The following GSN variants were observed in gnomAD, a reference collection of about 807,000 sequenced individuals.
GSN encodes the protein actin-depolymerizing factor.
In GSN, 56 loss-of-function variants were observed where a neutral mutation model predicts 85.7. The observed-to-expected ratio is 0.65, with a 90% CI of 0.53 to 0.82. The LOEUF is 0.82. GSN is among the 40% of genes least tolerant of loss of function. GSN has a pLI of 0.00. For missense variants in GSN, 857 were observed against 979.8 expected (o/e 0.87, Z 1.67); for synonymous variants, 373 against 399.1 (o/e 0.93, Z 0.78).
intron 1 of GSN, among the ~76,000 whole-genome samples, chr9:121,270,208 G>A (rs1362654961): frequency 4.6e-5 from 7 of 152,044 alleles, no homozygotes; most frequent in Admixed American, 4.6e-4. Context: ...GAAGGGCGGG[G>A]TGGTGGGAGG....
rs2061457013 is a variant in GSN at position 121,314,058 on chromosome 9, G to A, written c.753+35G>A. The A allele has an allele frequency of 4.7e-6, 7 of 1,488,620 alleles. No homozygotes were observed. In the Middle Eastern group the frequency reaches 5.1e-4, roughly 109 times the overall value. The allele number at this position is 1,488,620 out of a possible 1,614,324, so 92.2% of individuals were successfully genotyped here. ...AGATGCACTGTCTGCCTGGGCATGGGGTCAGGACAGGGAGGTGGAAGACTT... is the reference window on the plus strand; with the variant it reads ...AGATGCACTGTCTGCCTGGGCATGGAGTCAGGACAGGGAGGTGGAAGACTT... On this transcript the variant is annotated intron_variant, in intron 7 of 17. Coordinates refer to ENST00000432226, the MANE Select transcript of GSN (RefSeq NM_198252.3).
At chr9:121,272,211 C>T (rs1370135474) in intron 1 of GSN, among the ~76,000 whole-genome samples, 3 of 152,230 alleles carry the variant, frequency 2.0e-5, no homozygotes, top group Non-Finnish European at 4.4e-5. Flanking sequence ...CCCTCTGTCC[C>T]TCCCCTGCCA....
intron 5 of GSN, chr9:121,239,670 A>G (rs1044918328): frequency 3.3e-6 from 1 of 303,106 alleles, no homozygotes; most frequent in South Asian, 3.5e-5. Context: ...CCATCGCATG[A>G]TATCAAAGAA....
intron 4 of GSN, among the ~76,000 whole-genome samples, chr9:121,216,759 G>T (rs192139417): frequency 6.6e-6 from 1 of 152,318 alleles, no homozygotes; most frequent in Non-Finnish European, 1.5e-5. Context: ...ATTTTACCTT[G>T]GTCATTGTAT....
Position 121,299,620 on chromosome 9 carries a change from C to A in GSN, c.-9-2343C>A. ...GCCCATTTAGTGTGCACACAGCTAG[C>A]GCCCGCCGTATGTCAGGCCTGGTGC... On this transcript the variant is annotated intron_variant, in intron 2 of 17. Coordinates refer to ENST00000432226, the MANE Select transcript of GSN (RefSeq NM_198252.3). The surrounding 1 kb of genome is among the most constrained non-coding windows in gnomAD (Gnocchi z 4.2). The A allele has an allele frequency of 2.0e-6, 1 of 498,968 alleles. No individual in the cohort carries two copies. The highest frequency in any genetic ancestry group is 2.6e-6 in the Non-Finnish European group (1 of 385,334). The allele number at this position is 498,968 out of a possible 1,614,324, so 30.9% of individuals were successfully genotyped here.
chr9:121,292,026 A>C (rs1002117172), intron 2 of GSN, among the ~76,000 whole-genome samples: 5 of 152,154 alleles, frequency 3.3e-5, no homozygotes, highest in African/African-American at 4.8e-5. Flanking sequence ...CCTCCCCAGT[A>C]GCTAGAACTA....
chr9:121,202,777 A>C, the GSN span, among the ~76,000 whole-genome samples: 15 of 152,230 alleles, frequency 9.9e-5, no homozygotes, highest in Non-Finnish European at 2.2e-4. Flanking sequence ...TATCAATATT[A>C]TATAACAAAA....
intron 5 of GSN, among the ~76,000 whole-genome samples, chr9:121,247,868 C>A (rs1189349475): frequency 6.8e-6 from 1 of 147,342 alleles, no homozygotes; most frequent in Non-Finnish European, 1.5e-5. Flanking sequence ...ACCTCACCCC[C>A]CCACCCCACC....
intron 4 of GSN, among the ~76,000 whole-genome samples, chr9:121,228,497 G>A (rs1479410723): frequency 7.6e-6 from 1 of 131,648 alleles, no homozygotes; most frequent in Admixed American, 9.0e-5. Context: ...GCAGTGGTGT[G>A]ATCTTGGCTC....
At chr9:121,204,665 T>C (rs1170656897), upstream of GSN, among the ~76,000 whole-genome samples, 1 of 152,194 alleles carries the variant, frequency 6.6e-6, no homozygotes, top group African/African-American at 2.4e-5. Context: ...AAGAGATGTA[T>C]ACATGGAATA....
At chr9:121,330,783 T>C (rs183354854) in intron 16 of GSN, among the ~76,000 whole-genome samples, 1 of 152,170 alleles carries the variant, frequency 6.6e-6, no homozygotes, top group East Asian at 1.9e-4. Context: ...TTAGGCCCAT[T>C]TTGACAAAGA....
intron 2 of GSN, chr9:121,285,212 T>C (rs1361945990): frequency 6.0e-6 from 1 of 167,158 alleles, no homozygotes; most frequent in East Asian, 1.9e-4. Flanking sequence ...ACATGTCTGG[T>C]GTATAACGAT....
chr9:121,310,942 G>A (rs1215566238), intron 5 of GSN, 97 bp downstream of exon 5: 1 of 1,111,372 alleles, frequency 9.0e-7, no homozygotes, highest in South Asian at 1.3e-5. Flanking sequence ...ATAGATGCAG[G>A]TGGGCAAACC....
chr9:121,271,530 G>A (rs557386689), intron 1 of GSN, among the ~76,000 whole-genome samples: 1 of 152,316 alleles, frequency 6.6e-6, no homozygotes, highest in African/African-American at 2.4e-5. Context: ...TGGCTATTGG[G>A]TGATGGTGCA....
At chr9:121,201,837 T>TC in the GSN span, 2 of 152,304 alleles carry the variant, frequency 1.3e-5, no homozygotes, top group Non-Finnish European at 2.9e-5. Context: ...GCTCCTGTGC[T>TC]CCCTCAGTAT....
At chr9:121,254,935 T>TTTTA (rs1217721070) in intron 6 of GSN, among the ~76,000 whole-genome samples, 2 of 132,334 alleles carry the variant, frequency 1.5e-5, no homozygotes, top group African/African-American at 4.9e-5. Context: ...TATATCTTCA[T>TTTTA]TTTATTTATT....
In GSN at chr9:121,332,418, G is replaced by C. The variant is rs1229000421; in HGVS notation, c.2027-16G>C. On this transcript the variant is annotated splice_polypyrimidine_tract_variant and intron_variant, in intron 17 of 17. Transcript: ENST00000432226. This position sits in a 1 kb window ranked among gnomAD's most constrained non-coding sequence, Gnocchi z 4.8. Reference sequence around the variant, plus strand: ...AGAATTCCTGGGGTTTCCTTTTCTTGCACGTGTGTCTGCAGCTAAGCGGTA... The same window carrying C: ...AGAATTCCTGGGGTTTCCTTTTCTTCCACGTGTGTCTGCAGCTAAGCGGTA... The C allele has an allele frequency of 1.2e-5, 19 of 1,613,156 alleles. No individual in the cohort carries two copies. The highest frequency in any genetic ancestry group is 1.6e-5 in the Non-Finnish European group (19 of 1,179,096).
chr9:121,303,570 C>T (rs938599861), intron 4 of GSN, among the ~76,000 whole-genome samples: 2 of 152,222 alleles, frequency 1.3e-5, no homozygotes, highest in African/African-American at 4.8e-5. Flanking sequence ...TTTTCCCAAG[C>T]TCCTAGCCAG....
At chr9:121,327,120 T>G in intron 13 of GSN, 188 bp from the exon 14 acceptor site, 1 of 738,992 alleles carries the variant, frequency 1.4e-6, no homozygotes, top group South Asian at 1.4e-5. Flanking sequence ...CTAGTCACAG[T>G]GCATTAGTGA....
Sources: allele counts gnomAD v4.1 joint callset (sites outside exome capture counted in the v4.1 genomes callset), GRCh38; gene constraint gnomAD v4.1.1; non-coding constraint Gnocchi (gnomAD v3.1); transcripts MANE v1.5; gene names NCBI Gene and HGNC (gene_info 2026-07-23, HGNC 2026-07-21).